DAB1: variants seen among roughly 807,000 people sequenced by gnomAD.
DAB1 encodes DAB adaptor protein 1, also known as disabled homolog 1.
A neutral mutation model predicts 64.6 loss-of-function variants in DAB1; 15 were observed. The ratio of observed to expected loss-of-function variants is 0.23; its 90% CI spans 0.16 to 0.36. DAB1 has a LOEUF of 0.36. Among genes scored for constraint, DAB1 ranks in the 10% least tolerant of loss-of-function variants. The pLI is 1.00. For missense variants in DAB1, 596 were observed against 706.7 expected, an observed-to-expected ratio of 0.84 and a Z score of 1.78; for synonymous variants, 235 against 251.9, an observed-to-expected ratio of 0.93 and a Z score of 0.64.
chr1:58,016,902 C>A (rs1646748226), intron 5 of DAB1, among the ~76,000 whole-genome samples: 1 of 152,126 alleles, frequency 6.6e-6, no homozygotes, highest in African/African-American at 2.4e-5. Context: ...TTAAAACCTC[C>A]TACTTGCCAG....
chr1:57,290,682 AAC>A (rs1344668479), intron 2 of DAB1, among the ~76,000 whole-genome samples: 1 of 152,150 alleles, frequency 6.6e-6, no homozygotes, highest in Non-Finnish European at 1.5e-5. Context: ...ATGAATACGA[AAC>A]ACACAAAATT....
intron 4 of DAB1, among the ~76,000 whole-genome samples, chr1:58,284,667 T>C (rs1661642417): frequency 6.6e-6 from 1 of 152,282 alleles, no homozygotes; most frequent in Non-Finnish European, 1.5e-5. Context: ...TCCCTCTTTC[T>C]GTCTCATCTC....
At chr1:57,735,695 G>GA (rs982034809) in intron 6 of DAB1, among the ~76,000 whole-genome samples, 2 of 132,624 alleles carry the variant, frequency 1.5e-5, no homozygotes, top group East Asian at 2.5e-4. Context: ...TGGTATAGTT[G>GA]AAAAAAATTC....
At chr1:57,476,254 C>CA (rs918293243) in intron 7 of DAB1, among the ~76,000 whole-genome samples, 99 of 144,348 alleles carry the variant, frequency 6.9e-4, no homozygotes, top group African/African-American at 1.9e-3. Flanking sequence ...AAAACAAAAA[C>CA]AAAAAAAAAC....
At chr1:57,666,826 G>C (rs1646453114) in intron 6 of DAB1, among the ~76,000 whole-genome samples, 1 of 150,132 alleles carries the variant, frequency 6.7e-6, no homozygotes, top group Non-Finnish European at 1.5e-5. Flanking sequence ...CAACAATGCA[G>C]CTAGGGTAAT....
chr1:58,316,488 C>T (rs747468379), intron 4 of DAB1, among the ~76,000 whole-genome samples: 1 of 152,044 alleles, frequency 6.6e-6, no homozygotes, highest in Non-Finnish European at 1.5e-5. Flanking sequence ...GTGAATAGAC[C>T]TCAGTCTCTG....
In DAB1 at chr1:58,240,907, G is replaced by A. The variant is rs905386598; in HGVS notation, n.310-90319C>T. Among the ~76,000 whole-genome samples, 4 of 152,168 alleles carry A rather than the reference G, an allele frequency of 2.6e-5. No homozygotes were observed. The East Asian group carries it at 7.7e-4, about 29-fold the overall frequency. On this transcript the variant is annotated intron_variant and non_coding_transcript_variant, in intron 4 of 20. Transcript: ENST00000485760. ...TGTTCAAGAGTTTGACAACATACAG[G>A]ACAGTTTTTAAAGGCAGATAAACTG...
At chr1:58,433,218 A>AT (rs1644899012) in intron 3 of DAB1, among the ~76,000 whole-genome samples, 1 of 152,160 alleles carries the variant, frequency 6.6e-6, no homozygotes, top group African/African-American at 2.4e-5. Context: ...AGTCTTAACT[A>AT]TCCCTCTTAA....
chr1:58,281,853 G>C (rs1017325474), intron 4 of DAB1, among the ~76,000 whole-genome samples: 2 of 152,082 alleles, frequency 1.3e-5, no homozygotes, highest in Non-Finnish European at 2.9e-5. Flanking sequence ...AAAGCACTTA[G>C]AACAATGACT....
chr1:57,397,290 T>C (rs1682890599), intron 1 of DAB1, among the ~76,000 whole-genome samples: 3 of 152,230 alleles, frequency 2.0e-5, no homozygotes, highest in African/African-American at 4.8e-5. Context: ...CACATGACAG[T>C]TTCCTAACTA....
intron 7 of DAB1, among the ~76,000 whole-genome samples, chr1:57,509,079 C>T (rs1156326187): frequency 6.6e-6 from 1 of 151,904 alleles, no homozygotes; most frequent in African/African-American, 2.4e-5. Flanking sequence ...TATGTACATA[C>T]ATGTACAAAA....
intron 6 of DAB1, among the ~76,000 whole-genome samples, chr1:57,664,376 C>T (rs1490260672): frequency 1.3e-5 from 2 of 152,104 alleles, no homozygotes; most frequent in African/African-American, 4.8e-5. Flanking sequence ...GAGATATCTG[C>T]TCTGGAAATT....
intron 3 of DAB1, among the ~76,000 whole-genome samples, chr1:58,475,854 C>T (rs1247637596): frequency 6.6e-6 from 1 of 152,078 alleles, no homozygotes; most frequent in African/African-American, 2.4e-5. Context: ...GCTACCATAA[C>T]ATCAGAAAGG....
At position 57,291,525 on chromosome 1, in the gene DAB1, G is replaced by C. The variant is rs531506876; in HGVS notation, c.-136-359C>G. On this transcript the variant is annotated intron_variant, in intron 1 of 14. Transcript: ENST00000371236. The stretch of plus-strand genomic sequence containing the variant: ...CCCCATGGAGACATTTCCAATAAGA[G>C]AGCACCCATCCATCAGCCAAGCTTG... Among the ~76,000 whole-genome samples, 5 of 152,164 alleles carry C rather than the reference G, an allele frequency of 3.3e-5. No homozygotes were observed. In the East Asian group the frequency reaches 9.7e-4, roughly 29 times the overall value.
intron 5 of DAB1, among the ~76,000 whole-genome samples, chr1:57,934,481 T>C (rs773489945): frequency 3.9e-5 from 6 of 152,196 alleles, no homozygotes; most frequent in Non-Finnish European, 8.8e-5. Flanking sequence ...TGTTATAGTA[T>C]GCTTATGTGC....
intron 1 of DAB1, among the ~76,000 whole-genome samples, chr1:57,848,450 A>T (rs1408306305): frequency 6.6e-6 from 1 of 152,248 alleles, no homozygotes; most frequent in Non-Finnish European, 1.5e-5. Flanking sequence ...TGGACTACAC[A>T]GGTAAATATA....
chr1:57,066,206 T>A (rs1426687471), intron 8 of DAB1, among the ~76,000 whole-genome samples: 2 of 152,154 alleles, frequency 1.3e-5, no homozygotes, highest in Non-Finnish European at 2.9e-5. Context: ...AAAGCTGAAA[T>A]CTTGCTTATA....
At chr1:58,147,983 GAAAAAA>G (rs58099365) in intron 5 of DAB1, among the ~76,000 whole-genome samples, 3 of 113,554 alleles carry the variant, frequency 2.6e-5, no homozygotes, top group African/African-American at 8.8e-5. Context: ...TATAGCTGGA[GAAAAAA>G]AAAAAAAAAA....
intron 5 of DAB1, among the ~76,000 whole-genome samples, chr1:58,132,324 C>G (rs981497954): frequency 6.6e-6 from 1 of 152,174 alleles, no homozygotes; most frequent in South Asian, 2.1e-4. Flanking sequence ...AGCTCGCGCA[C>G]GGTGCACGCA....
Sources: allele counts gnomAD v4.1 joint callset (sites outside exome capture counted in the v4.1 genomes callset), GRCh38; gene constraint gnomAD v4.1.1; transcripts MANE v1.5; gene names NCBI Gene and HGNC (gene_info 2026-07-23, HGNC 2026-07-21).